Variants in NXPH1 observed in about 807,000 individuals in gnomAD.
The protein encoded by NXPH1 is neurexophilin-1.
Under a neutral mutation model 23.7 loss-of-function variants are expected in NXPH1, and 5 were observed. The ratio of observed to expected loss-of-function variants is 0.21; its 90% CI spans 0.11 to 0.44. NXPH1 has a LOEUF of 0.44. Ranked by LOEUF, NXPH1 falls within the 20% of genes least tolerant of loss-of-function variation. NXPH1 has a pLI of 0.99. For missense variants in NXPH1, 324 were observed against 321.6 expected (o/e 1.01, Z -0.06); for synonymous variants, 144 against 122.2 (o/e 1.18, Z -1.18).
chr7:8,461,728 G>C lies in NXPH1; in HGVS notation c.54+25961G>C, dbSNP rs992487405. ...GCCTGTAGTCCCAGCTACTCGGGAG[G>C]CTGAGGGAGGAGAATGGCGTGAACC... is the stretch of plus-strand genomic sequence containing the variant. On this transcript the variant is annotated intron_variant, in intron 2 of 2. Coordinates refer to ENST00000405863, the MANE Select transcript of NXPH1 (RefSeq NM_152745.3). Among the ~76,000 whole-genome samples, 21 of 150,446 alleles carry C rather than the reference G, an allele frequency of 1.4e-4. No individual in the cohort carries two copies. In the South Asian group the frequency reaches 4.1e-3, roughly 29 times the overall value.
chr7:8,637,596 A>G (rs939634161), intron 2 of NXPH1, among the ~76,000 whole-genome samples: 3 of 151,990 alleles, frequency 2.0e-5, no homozygotes, highest in African/African-American at 7.3e-5. Flanking sequence ...CTTTTACATG[A>G]TCTAATTGGC....
At chr7:8,488,235 C>A (rs961072197) in intron 2 of NXPH1, among the ~76,000 whole-genome samples, 1 of 151,758 alleles carries the variant, frequency 6.6e-6, no homozygotes, top group Non-Finnish European at 1.5e-5. Flanking sequence ...GGGACACATA[C>A]TATATCTTAC....
chr7:8,656,460 G>A (rs114950601), intron 2 of NXPH1, among the ~76,000 whole-genome samples: 1,690 of 150,702 alleles, frequency 0.011, 34 homozygotes, highest in African/African-American at 0.039. Context: ...TCAAAGAAAT[G>A]ATGCAACTTT....
chr7:8,659,146 TC>T (rs1265304859), intron 2 of NXPH1, among the ~76,000 whole-genome samples: 1 of 113,982 alleles, frequency 8.8e-6, no homozygotes, highest in Admixed American at 9.8e-5. Flanking sequence ...TGTAGAAGAA[TC>T]CCAGAAGTTT....
At chr7:8,738,557 C>A (rs186350887) in intron 2 of NXPH1, among the ~76,000 whole-genome samples, 7 of 152,278 alleles carry the variant, frequency 4.6e-5, no homozygotes, top group African/African-American at 1.7e-4. Flanking sequence ...AGGTGTCTGT[C>A]GACCCCTGCT....
chr7:8,617,618 T>G (rs1819772925), intron 2 of NXPH1, among the ~76,000 whole-genome samples: 1 of 152,046 alleles, frequency 6.6e-6, no homozygotes, highest in Admixed American at 6.6e-5. Flanking sequence ...ACAATTGAAC[T>G]AGTGGACATA....
At chr7:8,723,062 C>G (rs1459805570) in intron 2 of NXPH1, among the ~76,000 whole-genome samples, 1 of 152,164 alleles carries the variant, frequency 6.6e-6, no homozygotes, top group Non-Finnish European at 1.5e-5. Context: ...TGTTAATGAA[C>G]ACTTTTACAG....
chr7:8,568,086 T>C (rs1002855187), intron 2 of NXPH1, among the ~76,000 whole-genome samples: 1 of 151,874 alleles, frequency 6.6e-6, no homozygotes, highest in Non-Finnish European at 1.5e-5. Flanking sequence ...AGCTTTAAAA[T>C]TGATATTCAT....
Position 8,661,932 on chromosome 7 carries a change from A to G in NXPH1, c.55-89076A>G, listed in dbSNP as rs11974087. Among the ~76,000 whole-genome samples, 1,176 of 152,154 alleles carry G rather than the reference A, an allele frequency of 7.7e-3. 10 individuals carry two copies. The highest frequency in any genetic ancestry group is 0.027 in the African/African-American group (1,114 of 41,540). ...TGAAATATATCAAGTATCCCCCCCA[A>G]AAAACAAACCAATTAACTTGAAATT... On this transcript the variant is annotated intron_variant, in intron 2 of 2. Transcript: ENST00000405863.
intron 2 of NXPH1, among the ~76,000 whole-genome samples, chr7:8,741,222 CCTT>C (rs1780354746): frequency 6.6e-6 from 1 of 152,060 alleles, no homozygotes; most frequent in Non-Finnish European, 1.5e-5. Context: ...GACAGGATTT[CCTT>C]CTTTCTTAAT....
chr7:8,616,242 G>A (rs111843355), intron 2 of NXPH1, among the ~76,000 whole-genome samples: 5 of 151,402 alleles, frequency 3.3e-5, no homozygotes, highest in African/African-American at 1.2e-4. Flanking sequence ...GAACATATAG[G>A]TAAACTTCAT....
At chr7:8,687,288 G>C (rs1015676236) in intron 2 of NXPH1, among the ~76,000 whole-genome samples, 19 of 152,030 alleles carry the variant, frequency 1.2e-4, no homozygotes, top group Non-Finnish European at 2.9e-5. Context: ...AGGTGAGTGA[G>C]AAAAAGGAGC....
intron 2 of NXPH1, among the ~76,000 whole-genome samples, chr7:8,597,081 C>T (rs1375547679): frequency 6.6e-6 from 1 of 151,904 alleles, no homozygotes; most frequent in African/African-American, 2.4e-5. Flanking sequence ...TCATTCACAG[C>T]TGAGGGAAGA....
intron 2 of NXPH1, among the ~76,000 whole-genome samples, chr7:8,557,015 C>T (rs950198039): frequency 1.3e-5 from 2 of 151,618 alleles, no homozygotes; most frequent in Admixed American, 6.6e-5. Flanking sequence ...GAATTGAAGT[C>T]GTCTAAATTC....
chr7:8,648,969 C>A (rs956008271), intron 2 of NXPH1, among the ~76,000 whole-genome samples: 1 of 139,848 alleles, frequency 7.2e-6, no homozygotes, highest in African/African-American at 2.6e-5. Context: ...CCAATGTAAT[C>A]ATTTTTGCCT....
At chr7:8,693,728 A>T (rs544112499) in intron 2 of NXPH1, among the ~76,000 whole-genome samples, 1 of 152,144 alleles carries the variant, frequency 6.6e-6, no homozygotes, top group African/African-American at 2.4e-5. Flanking sequence ...TTCATCTTCC[A>T]TTACAGAAAA....
chr7:8,505,221 A>G (rs960989742), intron 2 of NXPH1, among the ~76,000 whole-genome samples: 2 of 151,560 alleles, frequency 1.3e-5, no homozygotes, highest in Non-Finnish European at 2.9e-5. Context: ...CGTACCCTTA[A>G]CTCTCTGTTT....
At chr7:8,691,949 T>A (rs1483416144) in intron 2 of NXPH1, among the ~76,000 whole-genome samples, 1 of 152,064 alleles carries the variant, frequency 6.6e-6, no homozygotes, top group African/African-American at 2.4e-5. Flanking sequence ...ACTGTTAAGC[T>A]AATGTCTGAG....
intron 2 of NXPH1, among the ~76,000 whole-genome samples, chr7:8,660,039 A>G (rs865936294): frequency 2.0e-5 from 3 of 152,218 alleles, no homozygotes; most frequent in African/African-American, 4.8e-5. Flanking sequence ...AGAAAAACCC[A>G]GTGTGACTTT....
Sources: gnomAD v4.1 joint callset for allele counts (sites outside exome capture counted in the v4.1 genomes callset) on GRCh38, gnomAD v4.1.1 for gene constraint, MANE v1.5 for transcripts, NCBI Gene and HGNC (gene_info 2026-07-23, HGNC 2026-07-21) for gene names.